The following CSMD1 variants were observed in gnomAD, a reference collection of about 807,000 sequenced individuals.
The protein encoded by CSMD1 is CUB and sushi domain-containing protein 1.
A neutral mutation model predicts 417.5 loss-of-function variants in CSMD1; 213 were observed. The observed-to-expected ratio is 0.51, with a 90% CI of 0.46 to 0.57. CSMD1 has a LOEUF of 0.57. Among genes scored for constraint, CSMD1 ranks in the 20% least tolerant of loss-of-function variants. The probability of loss-of-function intolerance (pLI) is 0.00; values close to 1 mark genes in which losing one functional copy is unlikely to be tolerated. For missense variants in CSMD1, 6,923 were observed against 4,529.7 expected, an observed-to-expected ratio of 1.53 and a Z score of -15.17; for synonymous variants, 2,862 against 1,736.8, an observed-to-expected ratio of 1.65 and a Z score of -16.11.
chr8:4,587,662 G>A (rs1284341992), intron 2 of CSMD1, among the ~76,000 whole-genome samples: 1 of 152,070 alleles, frequency 6.6e-6, no homozygotes, highest in Non-Finnish European at 1.5e-5. Context: ...AGAGAACTAT[G>A]TCTTATGAAC....
At chr8:4,156,451 T>G (rs1438602521) in intron 3 of CSMD1, among the ~76,000 whole-genome samples, 1 of 152,194 alleles carries the variant, frequency 6.6e-6, no homozygotes, top group Non-Finnish European at 1.5e-5. Flanking sequence ...AATATGCTAT[T>G]GGTGCTAACT....
intron 5 of CSMD1, among the ~76,000 whole-genome samples, chr8:3,859,920 AC>A (rs1804579016): frequency 6.6e-6 from 1 of 152,136 alleles, no homozygotes; most frequent in East Asian, 1.9e-4. Context: ...ATAAGCTATA[AC>A]CATGAGTGTA....
intron 3 of CSMD1, among the ~76,000 whole-genome samples, chr8:4,271,342 C>G (rs1804582190): frequency 6.6e-6 from 1 of 152,092 alleles, no homozygotes; most frequent in Non-Finnish European, 1.5e-5. Flanking sequence ...GTAAGAAACA[C>G]TGGCAGTGCT....
chr8:4,403,231 A>G (rs955316306), intron 3 of CSMD1, among the ~76,000 whole-genome samples: 2 of 152,216 alleles, frequency 1.3e-5, no homozygotes, highest in Non-Finnish European at 2.9e-5. Context: ...ATGAGAATAT[A>G]AAGATCATTT....
intron 49 of CSMD1, among the ~76,000 whole-genome samples, chr8:3,072,415 T>C (rs1813383386): frequency 6.6e-6 from 1 of 152,220 alleles, no homozygotes; most frequent in African/African-American, 2.4e-5. Flanking sequence ...TCAGAATTTT[T>C]TTAAACCAGT....
At chr8:4,454,829 G>C (rs1020859078) in intron 2 of CSMD1, among the ~76,000 whole-genome samples, 3 of 152,104 alleles carry the variant, frequency 2.0e-5, no homozygotes, top group Non-Finnish European at 4.4e-5. Context: ...CATAAGAAGA[G>C]CAAAGGTTTT....
intron 3 of CSMD1, among the ~76,000 whole-genome samples, chr8:4,131,240 C>G (rs186551821): frequency 6.6e-6 from 1 of 152,092 alleles, no homozygotes; most frequent in Admixed American, 6.6e-5. Context: ...TGTGGTGTGG[C>G]TGAGTACAGA....
Position 4,063,752 on chromosome 8 carries a change from A to C in CSMD1, c.416-31653T>G, listed in dbSNP as rs1799101063. 2.0e-5 allele frequency among the ~76,000 whole-genome samples: 3 copies of C among 152,190 alleles called. No homozygotes were observed. In the South Asian group the frequency reaches 6.2e-4, roughly 32 times the overall value. ...GAAATGGGAAGTGCCTTTTATTTTG[A>C]ATCTAAATTTCATATCTACTTCTTC... On this transcript the variant is annotated intron_variant, in intron 3 of 69. Transcript: ENST00000635120.
intron 5 of CSMD1, among the ~76,000 whole-genome samples, chr8:3,871,261 C>T (rs980270079): frequency 1.6e-4 from 25 of 151,824 alleles, no homozygotes; most frequent in Admixed American, 1.5e-3. Flanking sequence ...TTAATAATGC[C>T]AAATTACTCT....
chr8:3,009,099 G>A (rs1021442536), intron 52 of CSMD1, among the ~76,000 whole-genome samples: 16 of 152,200 alleles, frequency 1.1e-4, no homozygotes, highest in South Asian at 2.1e-4. Context: ...ACCTGGAGCC[G>A]TGCATTCTTT....
intron 1 of CSMD1, among the ~76,000 whole-genome samples, chr8:4,753,704 T>C (rs1811490541): frequency 6.6e-6 from 1 of 152,190 alleles, no homozygotes; most frequent in South Asian, 2.1e-4. Flanking sequence ...TCTGCTCCTT[T>C]AACAGCTAAT....
rs992064035 is a variant in CSMD1 at position 4,228,692 on chromosome 8, C to A, written c.415+191261G>T. On this transcript the variant is annotated intron_variant, in intron 3 of 69. Coordinates refer to ENST00000635120, the MANE Select transcript of CSMD1 (RefSeq NM_033225.6). ...GTTTTATTTTATTCATTTATTATTT[C>A]TTTTTTCTTGAGATGGAGTCTACCT... Among the ~76,000 whole-genome samples, 10 of 136,478 alleles carry A rather than the reference C, an allele frequency of 7.3e-5. No homozygotes were observed. The East Asian group carries it at 1.9e-3, about 26-fold the overall frequency. 89.5% of individuals were successfully genotyped at this position (136,478 alleles called of 152,430 possible). A position where few individuals can be genotyped will look rare whatever the true frequency, so the allele number is the denominator to read the frequency against.
intron 1 of CSMD1, among the ~76,000 whole-genome samples, chr8:4,676,895 T>G (rs1213924973): frequency 1.3e-5 from 2 of 149,570 alleles, no homozygotes; most frequent in Non-Finnish European, 3.0e-5. Context: ...GAGAGAGATT[T>G]TAGATATACA....
intron 5 of CSMD1, among the ~76,000 whole-genome samples, chr8:3,937,253 A>C (rs1810559794): frequency 1.3e-5 from 2 of 151,956 alleles, no homozygotes; most frequent in Admixed American, 6.6e-5. Flanking sequence ...ATAAAGCAGC[A>C]GCAGGGTTAG....
At chr8:3,171,851 G>T (rs962086188) in intron 37 of CSMD1, among the ~76,000 whole-genome samples, 1 of 152,158 alleles carries the variant, frequency 6.6e-6, no homozygotes, top group African/African-American at 2.4e-5. Flanking sequence ...GGATATAAGT[G>T]TGCTCAGATA....
intron 11 of CSMD1, among the ~76,000 whole-genome samples, chr8:3,474,774 C>T (rs950612379): frequency 4.6e-5 from 7 of 152,132 alleles, no homozygotes; most frequent in Non-Finnish European, 8.8e-5. Flanking sequence ...CATATAGTTA[C>T]ACAACTAGTC....
At chr8:4,525,840 G>C (rs1796485929) in intron 2 of CSMD1, among the ~76,000 whole-genome samples, 1 of 152,134 alleles carries the variant, frequency 6.6e-6, no homozygotes, top group Non-Finnish European at 1.5e-5. Flanking sequence ...AGGCCCTCTT[G>C]ACATGTGTCC....
intron 5 of CSMD1, among the ~76,000 whole-genome samples, chr8:3,847,019 A>G (rs1423264787): frequency 6.6e-6 from 1 of 152,104 alleles, no homozygotes. Context: ...TCCACAGCAG[A>G]TCAGATGATG....
intron 6 of CSMD1, among the ~76,000 whole-genome samples, chr8:3,727,645 T>A (rs1397032690): frequency 2.6e-5 from 4 of 152,184 alleles, no homozygotes; most frequent in Non-Finnish European, 5.9e-5. Flanking sequence ...AAAGCTGGGA[T>A]TCAAGTAGAT....
Sources: allele counts gnomAD v4.1 joint callset (sites outside exome capture counted in the v4.1 genomes callset), GRCh38; gene constraint gnomAD v4.1.1; transcripts MANE v1.5; gene names NCBI Gene and HGNC (gene_info 2026-07-23, HGNC 2026-07-21).